WDPCP: variants seen among roughly 807,000 people sequenced by gnomAD.
WDPCP encodes the protein WD repeat containing planar cell polarity effector.
Under a neutral mutation model 93.1 loss-of-function variants are expected in WDPCP, and 71 were observed. The observed-to-expected ratio is 0.76, with a 90% CI of 0.63 to 0.93. The LOEUF (loss-of-function observed/expected upper bound fraction) is 0.93. Ranked by LOEUF, WDPCP falls within the 40% of genes least tolerant of loss-of-function variation. The pLI is 0.00. For synonymous variants in WDPCP, 315 were observed against 315.0 expected, an observed-to-expected ratio of 1.00 and a Z score of 0.00; for missense variants, 844 against 887.4, an observed-to-expected ratio of 0.95 and a Z score of 0.62.
At chr2:63,214,625 C>A (rs990438905) in intron 14 of WDPCP, among the ~76,000 whole-genome samples, 2 of 152,134 alleles carry the variant, frequency 1.3e-5, no homozygotes, top group African/African-American at 2.4e-5. Context: ...CTGGCCAGGG[C>A]AGTCAGGCAA....
rs1168277114 is a variant in WDPCP, at chr2:63,578,559, G to A, written c.75+9638C>T. Among the ~76,000 whole-genome samples the A allele has an allele frequency of 3.3e-5, 5 of 152,114 alleles. No individual in the cohort carries two copies. The East Asian group carries it at 7.7e-4, about 23-fold the overall frequency. On this transcript the variant is annotated intron_variant, in intron 1 of 17. Transcript: ENST00000272321. ...CCTCACCTGAGTGGACTGGGAATGG[G>A]CACCTGACATAGCCTGGAGGTTGGT...
At chr2:63,748,382 A>T (rs1669830569) in intron 2 of WDPCP, among the ~76,000 whole-genome samples, 1 of 151,936 alleles carries the variant, frequency 6.6e-6, no homozygotes, top group African/African-American at 2.4e-5. Context: ...ATTTATTTTT[A>T]AATTAGACTG....
intron 1 of WDPCP, among the ~76,000 whole-genome samples, chr2:63,528,869 T>TTG (rs1425367112): frequency 1.3e-5 from 2 of 152,240 alleles, no homozygotes; most frequent in East Asian, 3.8e-4. Flanking sequence ...TTCCATTTGT[T>TTG]TGTGTCTTCT....
intron 1 of WDPCP, among the ~76,000 whole-genome samples, chr2:63,557,120 T>C (rs982878330): frequency 2.0e-5 from 3 of 152,038 alleles, no homozygotes; most frequent in Non-Finnish European, 4.4e-5. Flanking sequence ...GTCTGCAAAA[T>C]AACTAGCTAG....
intron 2 of WDPCP, among the ~76,000 whole-genome samples, chr2:63,760,453 C>T (rs1174070268): frequency 6.6e-6 from 1 of 151,928 alleles, no homozygotes; most frequent in Non-Finnish European, 1.5e-5. Context: ...TCCCTTCCTG[C>T]CCCTAACAAC....
intron 1 of WDPCP, among the ~76,000 whole-genome samples, chr2:63,516,704 G>C (rs1702576007): frequency 6.6e-6 from 1 of 152,122 alleles, no homozygotes; most frequent in Non-Finnish European, 1.5e-5. Context: ...AGGAAATCTT[G>C]AGCCACAATG....
chr2:63,340,851 T>C (rs1345547190), intron 12 of WDPCP, among the ~76,000 whole-genome samples: 1 of 152,194 alleles, frequency 6.6e-6, no homozygotes, highest in Non-Finnish European at 1.5e-5. Flanking sequence ...GCATTTACAC[T>C]GCCATTTTAA....
chr2:63,185,687 T>C (rs184751328), intron 14 of WDPCP, among the ~76,000 whole-genome samples: 49 of 152,300 alleles, frequency 3.2e-4, no homozygotes, highest in African/African-American at 1.2e-3. Context: ...ATTGTGCAGG[T>C]TGACCTCCAG....
intron 3 of WDPCP, among the ~76,000 whole-genome samples, chr2:63,630,503 G>A (rs1378682978): frequency 6.6e-6 from 1 of 151,924 alleles, no homozygotes; most frequent in Non-Finnish European, 1.5e-5. Flanking sequence ...ATCAGATAAA[G>A]AGAAAAAAAC....
chr2:63,207,515 GA>G (rs1676433799), intron 14 of WDPCP, among the ~76,000 whole-genome samples: 2 of 152,146 alleles, frequency 1.3e-5, no homozygotes, highest in Non-Finnish European at 2.9e-5. Context: ...ATAGCAATGT[GA>G]GAATGGACCT....
At chr2:63,779,806 A>G (rs1199950467) in intron 2 of WDPCP, among the ~76,000 whole-genome samples, 1 of 152,148 alleles carries the variant, frequency 6.6e-6, no homozygotes, top group Non-Finnish European at 1.5e-5. Context: ...AAAACCCTTA[A>G]ACCTCACTCA....
chr2:63,774,961 C>CCTAA (rs1490328726), intron 2 of WDPCP, among the ~76,000 whole-genome samples: 11 of 152,052 alleles, frequency 7.2e-5, no homozygotes, highest in African/African-American at 2.7e-4. Flanking sequence ...GGTTCTTGTC[C>CCTAA]CTAACTATAA....
intron 15 of WDPCP, among the ~76,000 whole-genome samples, chr2:63,171,634 A>T (rs1333230263): frequency 6.6e-6 from 1 of 152,232 alleles, no homozygotes; most frequent in African/African-American, 2.4e-5. Context: ...AGTTTCTTAA[A>T]ACTAGCGAAT....
intron 2 of WDPCP, among the ~76,000 whole-genome samples, chr2:63,781,640 G>A (rs141543949): frequency 9.2e-5 from 14 of 152,248 alleles, no homozygotes; most frequent in Admixed American, 2.0e-4. Context: ...CAACAGAAAC[G>A]AAACAATCTG....
At chr2:63,174,965 G>T in intron 14 of WDPCP, 133 bp from the exon 15 acceptor site, 1 of 924,998 alleles carries the variant, frequency 1.1e-6, no homozygotes, top group Non-Finnish European at 1.7e-6. Context: ...AAATCTTGTT[G>T]TCCTAGTTCC....
At chr2:63,358,896 A>G (rs1206030782) in intron 12 of WDPCP, among the ~76,000 whole-genome samples, 2 of 152,236 alleles carry the variant, frequency 1.3e-5, no homozygotes, top group South Asian at 4.1e-4. Context: ...CTCACTGCCC[A>G]TTAGTCCCAT....
upstream of WDPCP, among the ~76,000 whole-genome samples, chr2:63,830,154 G>A (rs1263904293): frequency 2.0e-5 from 3 of 152,002 alleles, no homozygotes; most frequent in Admixed American, 2.0e-4. Context: ...ATTTCATAAA[G>A]TAAATTTACT....
At chr2:63,648,908 T>G (rs1311155856) in intron 3 of WDPCP, among the ~76,000 whole-genome samples, 1 of 152,228 alleles carries the variant, frequency 6.6e-6, no homozygotes, top group Non-Finnish European at 1.5e-5. Context: ...AGGCTCCAGT[T>G]AACTAAAAAT....
chr2:63,354,294 G>C lies in WDPCP; in HGVS notation c.1748+24092C>G, dbSNP rs1018574953. On this transcript the variant is annotated intron_variant, in intron 12 of 17. Coordinates refer to ENST00000272321, the MANE Select transcript of WDPCP (RefSeq NM_015910.7). ...TGCTGACCTGCATCTCTCTGGAGAA[G>C]AGCCTCCAGGAGACAAGCATACAAC... Among the ~76,000 whole-genome samples the C allele has an allele frequency of 2.6e-5, 4 of 152,278 alleles. No individual in the cohort carries two copies. In the South Asian group the frequency reaches 8.3e-4, roughly 32 times the overall value.
Sources: allele counts gnomAD v4.1 joint callset (sites outside exome capture counted in the v4.1 genomes callset), GRCh38; gene constraint gnomAD v4.1.1; transcripts MANE v1.5; gene names NCBI Gene and HGNC (gene_info 2026-07-23, HGNC 2026-07-21).